RTN1: variants seen among roughly 807,000 people sequenced by gnomAD.
RTN1 encodes the protein reticulon-1.
RTN1 carries 25 observed loss-of-function variants against 65.5 expected under a neutral mutation model. The observed-to-expected ratio is 0.38, with a 90% CI of 0.28 to 0.53. The LOEUF (loss-of-function observed/expected upper bound fraction) is 0.53, where lower values mean the gene tolerates loss of function less well. RTN1 is among the 20% of genes least tolerant of loss of function. The probability of loss-of-function intolerance (pLI) is 0.79; values close to 1 mark genes in which losing one functional copy is unlikely to be tolerated. For synonymous variants in RTN1, 471 were observed against 447.6 expected (o/e 1.05, Z -0.66); for missense variants, 983 against 1,025.4 (o/e 0.96, Z 0.57).
chr14:59,827,204 G>A (rs1006108223), intron 1 of RTN1, among the ~76,000 whole-genome samples: 2 of 151,984 alleles, frequency 1.3e-5, no homozygotes, highest in African/African-American at 2.4e-5. Context: ...TCAACCTCCC[G>A]AGTAGCTGTG....
chr14:59,655,168 C>A (rs1389651316), intron 3 of RTN1, among the ~76,000 whole-genome samples: 1 of 151,648 alleles, frequency 6.6e-6, no homozygotes. Flanking sequence ...TAGCAGTGAA[C>A]AATAAAAAAT....
rs1391218657 is a variant in RTN1 at position 59,846,676 on chromosome 14, A to G, written c.241+23714T>C. Among the ~76,000 whole-genome samples the G allele has an allele frequency of 1.3e-5, 2 of 152,202 alleles. No homozygotes were observed. The highest frequency in any genetic ancestry group is 2.9e-5 in the Non-Finnish European group (2 of 68,036). On this transcript the variant is annotated intron_variant, in intron 1 of 8. Coordinates refer to ENST00000267484, the MANE Select transcript of RTN1 (RefSeq NM_021136.3). This position sits in a 1 kb window ranked among gnomAD's most constrained non-coding sequence, Gnocchi z 4.8. Reference sequence around the variant, plus strand: ...TATGTGTGCTTTTACTCCTTGATGCATACATTTATTTGTAATAAAACAGTG... The same window carrying G: ...TATGTGTGCTTTTACTCCTTGATGCGTACATTTATTTGTAATAAAACAGTG...
chr14:59,610,962 C>T (rs1011644654), intron 3 of RTN1, among the ~76,000 whole-genome samples: 2 of 152,192 alleles, frequency 1.3e-5, no homozygotes, highest in Non-Finnish European at 2.9e-5. Context: ...CTTTGACTCC[C>T]TATGATTTCA....
At chr14:59,814,489 C>T (rs1207606571) in intron 1 of RTN1, among the ~76,000 whole-genome samples, 2 of 152,196 alleles carry the variant, frequency 1.3e-5, no homozygotes, top group African/African-American at 4.8e-5. Flanking sequence ...GAGATCAAGC[C>T]AGCAGCTTCT....
intron 1 of RTN1, among the ~76,000 whole-genome samples, chr14:59,832,786 A>T (rs1464480677): frequency 1.3e-5 from 2 of 152,156 alleles, no homozygotes; most frequent in Non-Finnish European, 2.9e-5. Flanking sequence ...CCTTTAATGC[A>T]TCCTTATTCT....
chr14:59,777,321 C>T (rs1886070593), intron 1 of RTN1, among the ~76,000 whole-genome samples: 1 of 152,058 alleles, frequency 6.6e-6, no homozygotes, highest in Non-Finnish European at 1.5e-5. Flanking sequence ...TCTTCTTTAC[C>T]CACAGACTTT....
chr14:59,666,149 C>T (rs556761199), intron 3 of RTN1, among the ~76,000 whole-genome samples: 2 of 152,292 alleles, frequency 1.3e-5, no homozygotes, highest in East Asian at 3.9e-4. Flanking sequence ...TTATTCTCAG[C>T]ATCACATCAC....
intron 3 of RTN1, among the ~76,000 whole-genome samples, chr14:59,687,833 C>T (rs554375614): frequency 1.3e-5 from 2 of 151,886 alleles, no homozygotes; most frequent in East Asian, 3.9e-4. Flanking sequence ...CTTGCCTGGT[C>T]AGCAGCCTGA....
intron 4 of RTN1, among the ~76,000 whole-genome samples, chr14:59,606,771 A>C (rs1881770716): frequency 6.6e-6 from 1 of 152,188 alleles, no homozygotes; most frequent in Non-Finnish European, 1.5e-5. Context: ...CCAGTATAAA[A>C]ATGTAGAGGA....
chr14:59,648,804 T>C (rs1882957303), intron 3 of RTN1, among the ~76,000 whole-genome samples: 1 of 152,150 alleles, frequency 6.6e-6, no homozygotes, highest in Non-Finnish European at 1.5e-5. Flanking sequence ...ATAAGAGCCA[T>C]CTATGACTAA....
In RTN1 at chr14:59,666,782, AT is replaced by A. The variant is rs1883385119; in HGVS notation, c.1766-59291del. ...GGATATCACCACCAATCCCACAGAA[AT>A]ACAGACTATCATCAGAGAATACTAA... On this transcript the variant is annotated intron_variant, in intron 3 of 8. Transcript: ENST00000267484. Among the ~76,000 whole-genome samples the A allele has an allele frequency of 2.6e-5, 4 of 152,070 alleles. 1 individual carries two copies. The highest frequency in any genetic ancestry group is 1.3e-4 in the Admixed American group (2 of 15,266).
chr14:59,740,075 T>C (rs1189524963), intron 2 of RTN1, among the ~76,000 whole-genome samples: 1 of 152,192 alleles, frequency 6.6e-6, no homozygotes, highest in African/African-American at 2.4e-5. Flanking sequence ...ATTTGCTGTG[T>C]GATGATTTAA....
intron 1 of RTN1, among the ~76,000 whole-genome samples, chr14:59,848,196 T>A (rs956853036): frequency 6.6e-6 from 1 of 152,228 alleles, no homozygotes; most frequent in African/African-American, 2.4e-5. Flanking sequence ...TAACTTGTAA[T>A]GGTCACCACC....
At chr14:59,660,868 C>T (rs891087421) in intron 3 of RTN1, among the ~76,000 whole-genome samples, 1 of 151,696 alleles carries the variant, frequency 6.6e-6, no homozygotes, top group African/African-American at 2.4e-5. Flanking sequence ...TAGCAGAAGA[C>T]AAGAAATAAC....
intron 1 of RTN1, among the ~76,000 whole-genome samples, chr14:59,788,601 G>A (rs1886293939): frequency 6.6e-6 from 1 of 152,114 alleles, no homozygotes; most frequent in South Asian, 2.1e-4. Context: ...TAAATACATT[G>A]GTCATGTATC....
chr14:59,605,621 T>C, intron 4 of RTN1, 115 bp from the exon 5 acceptor site: 1 of 1,125,426 alleles, frequency 8.9e-7, no homozygotes, highest in Non-Finnish European at 1.3e-6. Context: ...AGAGCAGGAG[T>C]CATCTCTGGG....
chr14:59,727,259 C>T lies in RTN1; in HGVS notation c.1425G>A (p.Ser475=), dbSNP rs1433102179. ...ELIIESCDAS[S]ASEESPKREQ... The stretch of plus-strand genomic sequence containing the variant: ...CCCGCTTGGGGCTCTCCTCCGAGGC[C>T]GAGGAGGCGTCGCACGACTCGATGA... The change falls in exon 3 of 9, where the codon TCG becomes TCA. Residue 475 remains serine, a synonymous_variant. Transcript: ENST00000267484. The surrounding 1 kb of genome is among the most constrained non-coding windows in gnomAD (Gnocchi z 4.2). 5.3e-6 allele frequency: 8 copies of T among 1,521,196 alleles called. No homozygotes were observed. The highest frequency in any genetic ancestry group is 2.8e-5 in the African/African-American group (2 of 72,564). The allele number at this position is 1,521,196 out of a possible 1,614,324, so 94.2% of individuals were successfully genotyped here.
intron 1 of RTN1, among the ~76,000 whole-genome samples, chr14:59,761,987 T>C (rs1885757396): frequency 6.6e-6 from 1 of 152,168 alleles, no homozygotes; most frequent in African/African-American, 2.4e-5. Context: ...GAACACGACA[T>C]GGCAGACAAT....
intron 1 of RTN1, among the ~76,000 whole-genome samples, chr14:59,768,500 CCTGGCTCTTGAT>C (rs758042079): frequency 7.9e-5 from 12 of 152,130 alleles, no homozygotes; most frequent in Non-Finnish European, 1.6e-4. Context: ...TTGAATGCAT[CCTGGCTCTTGAT>C]CTGGTCGTTG....
Sources: gnomAD v4.1 joint callset for allele counts (sites outside exome capture counted in the v4.1 genomes callset) on GRCh38, gnomAD v4.1.1 for gene constraint, Gnocchi (gnomAD v3.1) non-coding constraint, MANE v1.5 for transcripts, NCBI Gene and HGNC (gene_info 2026-07-23, HGNC 2026-07-21) for gene names.